Variants in PHEX observed in about 807,000 individuals in gnomAD.
PHEX encodes the protein phosphate regulating endopeptidase X-linked.
PHEX carries 16 observed loss-of-function variants against 68.0 expected under a neutral mutation model. That is an observed-to-expected ratio of 0.24 (90% CI 0.16 to 0.36). PHEX has a LOEUF of 0.36. Ranked by LOEUF, PHEX falls within the 10% of genes least tolerant of loss-of-function variation. The pLI is 1.00. For missense variants in PHEX, 480 were observed against 575.5 expected (o/e 0.83, Z 1.70); for synonymous variants, 208 against 205.1 (o/e 1.01, Z -0.12).
chrX:22,204,782 T>C (rs953361112), intron 15 of PHEX, among the ~76,000 whole-genome samples: 1 of 111,744 alleles, frequency 8.9e-6, no homozygotes, highest in Non-Finnish European at 1.9e-5. Context: ...ATCAAAGAAG[T>C]TAGCAGAAGG....
chrX:22,033,220 C>A, intron 1 of PHEX, 97 bp downstream of exon 1: 1 of 599,979 alleles, frequency 1.7e-6, no homozygotes, highest in Non-Finnish European at 2.9e-6. Flanking sequence ...AGGTATAGGG[C>A]TGTTTGCCTG....
At chrX:22,161,953 G>T (rs746839687) in intron 12 of PHEX, among the ~76,000 whole-genome samples, 1 of 111,528 alleles carries the variant, frequency 9.0e-6, no homozygotes, top group Admixed American at 9.6e-5. Flanking sequence ...CTAAGGAAAG[G>T]CCAACTAGGG....
Position 22,161,224 on chromosome X carries a change from C to A in PHEX, c.1405-7088C>A, listed in dbSNP as rs1933116331. 2.7e-5 allele frequency among the ~76,000 whole-genome samples: 3 copies of A among 112,406 alleles called. No homozygotes were observed. In the Admixed American group the frequency reaches 2.8e-4, roughly 11 times the overall value. ...TTCTCACAAAATATCTCATTTTCTC[C>A]CCTTTTTTCTCTCCTGTGGTAAGAT... On this transcript the variant is annotated intron_variant, in intron 12 of 21. Transcript: ENST00000379374.
chrX:22,167,685 G>C (rs1004606642), intron 12 of PHEX, among the ~76,000 whole-genome samples: 4 of 108,166 alleles, frequency 3.7e-5, no homozygotes, highest in Non-Finnish European at 7.7e-5. Context: ...TGTAGAGACA[G>C]GGTCCCGCTG....
intron 13 of PHEX, among the ~76,000 whole-genome samples, chrX:22,170,129 G>A (rs1049681345): frequency 9.8e-5 from 11 of 112,217 alleles, no homozygotes; most frequent in South Asian, 3.7e-4. Context: ...AAAAAGCACA[G>A]TAGGTATTTT....
chrX:22,133,717 C>A, intron 12 of PHEX, 93 bp downstream of exon 12: 2 of 659,663 alleles, frequency 3.0e-6, no homozygotes, highest in Non-Finnish European at 4.8e-6. Flanking sequence ...TTTATATTGA[C>A]TGAACTGTTG....
intron 18 of PHEX, among the ~76,000 whole-genome samples, chrX:22,224,013 C>T (rs149882148): frequency 2.3e-3 from 256 of 112,284 alleles, no homozygotes; most frequent in African/African-American, 7.1e-3. Context: ...GACAGCGTCT[C>T]GCTGAGTCAC....
chrX:22,194,795 C>T (rs1001997968), intron 15 of PHEX, among the ~76,000 whole-genome samples: 8 of 111,922 alleles, frequency 7.1e-5, no homozygotes, highest in African/African-American at 2.6e-4. Context: ...ATTTTTCTTC[C>T]CTTGTCAAGC....
At chrX:22,232,155 C>CTTTCT (rs1231053810) in intron 20 of PHEX, among the ~76,000 whole-genome samples, 9 of 111,369 alleles carry the variant, frequency 8.1e-5, no homozygotes, top group Non-Finnish European at 1.5e-4. Context: ...GATTTTCTTT[C>CTTTCT]TTTCTTTTGC....
At chrX:22,055,043 C>T (rs907700098) in intron 3 of PHEX, among the ~76,000 whole-genome samples, 3 of 107,190 alleles carry the variant, frequency 2.8e-5, no homozygotes, top group Non-Finnish European at 5.8e-5. Context: ...TGCATGGTGG[C>T]GGGCGCCTGT....
chrX:22,076,578 T>A, intron 4 of PHEX, 104 bp downstream of exon 4: 1 of 574,537 alleles, frequency 1.7e-6, no homozygotes, highest in Non-Finnish European at 3.0e-6. Flanking sequence ...CTACTAAGAA[T>A]TCTATTAATG....
chrX:22,191,124 A>T (rs980996178), intron 15 of PHEX, among the ~76,000 whole-genome samples: 1 of 111,727 alleles, frequency 9.0e-6, no homozygotes, highest in Non-Finnish European at 1.9e-5. Flanking sequence ...GGTTCAAATT[A>T]TTCTTGTGCC....
chrX:22,073,771 C>T (rs1396071136), intron 3 of PHEX, among the ~76,000 whole-genome samples: 1 of 106,399 alleles, frequency 9.4e-6, no homozygotes, highest in Non-Finnish European at 1.9e-5. Flanking sequence ...TCCCGAGTAG[C>T]TGGGACTACA....
chrX:22,055,201 A>C (rs1311398582), intron 3 of PHEX, among the ~76,000 whole-genome samples: 1,615 of 83,505 alleles, frequency 0.019, 64 homozygotes, highest in African/African-American at 0.07. Flanking sequence ...AAAAAAAAAA[A>C]AAAAAAAAAA....
chrX:22,041,302 T>TATATATATATATATATATATA (rs1569367522), intron 2 of PHEX, among the ~76,000 whole-genome samples: 1 of 97,685 alleles, frequency 1.0e-5, no homozygotes, highest in African/African-American at 3.9e-5. Context: ...TATATATATA[T>TATATATATATATATATATATA]TTTAACCAGG....
intron 6 of PHEX, among the ~76,000 whole-genome samples, chrX:22,092,754 T>C (rs1447554311): frequency 3.6e-5 from 3 of 82,213 alleles, no homozygotes; most frequent in Admixed American, 3.6e-4. Context: ...TCTTTCTTTT[T>C]TTTTTTTTTT....
At chrX:22,192,552 C>T (rs1353199111) in intron 15 of PHEX, among the ~76,000 whole-genome samples, 1 of 111,840 alleles carries the variant, frequency 8.9e-6, no homozygotes, top group Non-Finnish European at 1.9e-5. Flanking sequence ...TCTCCCCCTT[C>T]CTCCCTCCTT....
intron 15 of PHEX, among the ~76,000 whole-genome samples, chrX:22,211,537 G>A (rs149839660): frequency 8.9e-6 from 1 of 112,349 alleles, no homozygotes; most frequent in East Asian, 2.8e-4. Context: ...ATGTGCGTAT[G>A]TATTTTGTTC....
rs750367055 is a variant in PHEX, at chrX:22,132,328, G to C, written c.1303-1195G>C. Among the ~76,000 whole-genome samples, 4 of 110,448 alleles carry C rather than the reference G, an allele frequency of 3.6e-5. No homozygotes were observed. The Admixed American group carries it at 3.9e-4, about 11-fold the overall frequency. On this transcript the variant is annotated intron_variant, in intron 11 of 21. Transcript: ENST00000379374. ...CTCTTGTGTTGCCCAGGCTGGTCTC[G>C]AACTCCTGGCCTCAAGCAATCCTCC...
Sources: gnomAD v4.1 joint callset for allele counts (sites outside exome capture counted in the v4.1 genomes callset) on GRCh38, gnomAD v4.1.1 for gene constraint, MANE v1.5 for transcripts, NCBI Gene and HGNC (gene_info 2026-07-23, HGNC 2026-07-21) for gene names.